Variants in CAMK2G observed in about 807,000 individuals in gnomAD.
The protein encoded by CAMK2G is calcium/calmodulin dependent protein kinase II gamma, also known as calcium/calmodulin-dependent protein kinase type II subunit gamma.
CAMK2G carries 23 observed loss-of-function variants against 88.7 expected under a neutral mutation model. That is an observed-to-expected ratio of 0.26 (90% CI 0.19 to 0.37). The LOEUF is 0.37. Ranked by LOEUF, CAMK2G falls within the 10% of genes least tolerant of loss-of-function variation. The pLI is 1.00. For synonymous variants in CAMK2G, 263 were observed against 294.8 expected (o/e 0.89, Z 1.11); for missense variants, 476 against 780.8 (o/e 0.61, Z 4.65).
rs751477682 is a variant in CAMK2G at position 73,819,634 on chromosome 10, G to A, written c.1261C>T (p.Arg421Cys). 6.8e-5 allele frequency: 105 copies of A among 1,541,442 alleles called. No individual in the cohort carries two copies. Among genetic ancestry groups the A allele is most frequent in the African/African-American group, 2.2e-4 (16 of 73,100 alleles). Residue 421 changes from arginine to cysteine, a missense_variant, in exon 19 of 23, where the codon CGC (arginine) becomes TGC (cysteine). Physicochemically the swap from Arg to Cys is radical, Grantham distance 180. Around this residue, in one of 3 missense-constraint regions of CAMK2G, gnomAD observed 278 missense variants for 366.5 expected, o/e 0.76. Coordinates refer to ENST00000423381, the MANE Select transcript of CAMK2G (RefSeq NM_001367534.1). ...GGCACCGAGCTGCCATTCCCAGTGC[G>A]GAGCGGGGCAGCTAGCCAGCCAGGG... ...EDEDLKAAPL[R>C]TGNGSSVPEG...
At position 73,862,305 on chromosome 10, in the gene CAMK2G, C is replaced by G. The variant is rs892930680; in HGVS notation, c.161-1416G>C. On this transcript the variant is annotated intron_variant, in intron 2 of 22. Transcript: ENST00000423381. ...CTTCTCCCTCCTACTCCACCCCCCC[C>G]CCCCCCGATTTCCCAATGCACTTCT... is the stretch of plus-strand genomic sequence containing the variant. 1.3e-3 allele frequency among the ~76,000 whole-genome samples: 185 copies of G among 146,606 alleles called. 4 individuals carry two copies. The highest frequency in any genetic ancestry group is 3.5e-3 in the Middle Eastern group (1 of 282).
intron 2 of CAMK2G, among the ~76,000 whole-genome samples, chr10:73,862,961 G>C (rs1181473531): frequency 1.3e-5 from 2 of 152,330 alleles, no homozygotes; most frequent in East Asian, 3.9e-4. Flanking sequence ...CGGAGGCCCA[G>C]GGAAGTTAAG....
At chr10:73,829,702 T>G (rs865954903) in intron 14 of CAMK2G, among the ~76,000 whole-genome samples, 65 of 132,106 alleles carry the variant, frequency 4.9e-4, no homozygotes, top group South Asian at 6.9e-4. Context: ...AGTAGTGGGG[T>G]GTGTGTGTGT....
At chr10:73,824,719 A>C (rs1177576150) in intron 16 of CAMK2G, among the ~76,000 whole-genome samples, 4 of 152,110 alleles carry the variant, frequency 2.6e-5, no homozygotes, top group Non-Finnish European at 4.4e-5. Flanking sequence ...GTTAGCCACC[A>C]CTAGCAGAGG....
At position 73,839,461 on chromosome 10, in the gene CAMK2G, T is replaced by G; in HGVS notation, c.1009+78A>C. 1 of 796,620 alleles carries G rather than the reference T, an allele frequency of 1.3e-6. No individual in the cohort carries two copies. Among genetic ancestry groups the G allele is most frequent in the Non-Finnish European group, 1.7e-6 (1 of 589,844 alleles). The allele number at this position is 796,620 out of a possible 1,614,324, so 49.3% of individuals were successfully genotyped here. On this transcript the variant is annotated intron_variant, in intron 13 of 22. Transcript: ENST00000423381. This position sits in a 1 kb window ranked among gnomAD's most constrained non-coding sequence, Gnocchi z 4.2. Reference sequence around the variant, plus strand: ...GCATGGGACTCGCCTCCCTGGTGAGTGGGCCCGGCATGCTGGCCCTCCTGG... The same window carrying G: ...GCATGGGACTCGCCTCCCTGGTGAGGGGGCCCGGCATGCTGGCCCTCCTGG...
intron 3 of CAMK2G, among the ~76,000 whole-genome samples, chr10:73,857,018 G>T (rs1207843337): frequency 6.6e-6 from 1 of 152,208 alleles, no homozygotes; most frequent in African/African-American, 2.4e-5. Context: ...GTTGCCATGG[G>T]GGCTTGTGGG....
intron 22 of CAMK2G, 41 bp downstream of exon 22, chr10:73,814,962 C>T: frequency 7.1e-7 from 1 of 1,399,574 alleles, no homozygotes; most frequent in South Asian, 1.2e-5. Context: ...CCCACCTATC[C>T]CAGGCCCTTC....
At chr10:73,832,964 TCTC>T (rs199980741) in intron 14 of CAMK2G, among the ~76,000 whole-genome samples, 168 of 88,590 alleles carry the variant, frequency 1.9e-3, no homozygotes, top group East Asian at 0.015. Context: ...TTTTCTTCTC[TCTC>T]TTTTTTTTTT....
intron 3 of CAMK2G, among the ~76,000 whole-genome samples, chr10:73,853,512 C>T (rs1028700790): frequency 2.6e-5 from 4 of 152,212 alleles, no homozygotes; most frequent in South Asian, 2.1e-4. Context: ...GGAGAAAAGC[C>T]GGAACCTTCC....
chr10:73,837,250 C>T, intron 14 of CAMK2G: 1 of 612,956 alleles, frequency 1.6e-6, no homozygotes, highest in Non-Finnish European at 3.0e-6. Flanking sequence ...GATCACTTCC[C>T]CTGAGTCATT....
intron 14 of CAMK2G, among the ~76,000 whole-genome samples, chr10:73,832,348 C>T (rs549967309): frequency 4.6e-5 from 7 of 151,846 alleles, no homozygotes; most frequent in South Asian, 2.1e-4. Context: ...CTTGCTCTGT[C>T]ACCAGGCTGG....
At chr10:73,829,666 G>A (rs1237869337) in intron 14 of CAMK2G, among the ~76,000 whole-genome samples, 1 of 135,486 alleles carries the variant, frequency 7.4e-6, no homozygotes, top group Non-Finnish European at 1.5e-5. Flanking sequence ...TCAAAAAGAA[G>A]GAGTTCCCTT....
At chr10:73,841,185 G>A (rs975027666) in intron 12 of CAMK2G, among the ~76,000 whole-genome samples, 2 of 152,242 alleles carry the variant, frequency 1.3e-5, no homozygotes, top group Admixed American at 6.5e-5. Flanking sequence ...TGGAGCCAGC[G>A]CAGGCGAGCC....
In CAMK2G at chr10:73,861,155, T is replaced by C. The variant is rs1257639858; in HGVS notation, c.161-266A>G. Among the ~76,000 whole-genome samples, 4 of 152,162 alleles carry C rather than the reference T, an allele frequency of 2.6e-5. No homozygotes were observed. The East Asian group carries it at 5.8e-4, about 22-fold the overall frequency. On this transcript the variant is annotated intron_variant, in intron 2 of 22. Coordinates refer to ENST00000423381, the MANE Select transcript of CAMK2G (RefSeq NM_001367534.1). Reference sequence around the variant, plus strand: ...AATCCTCCCACCTCAGCCTCCTGAATAGCTGGAACTATAGGCACCAGCCAC... The same window carrying C: ...AATCCTCCCACCTCAGCCTCCTGAACAGCTGGAACTATAGGCACCAGCCAC...
At position 73,828,081 on chromosome 10, in the gene CAMK2G, A is replaced by C; in HGVS notation, c.1086+8T>G. 6.2e-7 allele frequency: 1 copy of C among 1,612,380 alleles called. No individual in the cohort carries two copies. The highest frequency in any genetic ancestry group is 1.7e-4 in the Middle Eastern group (1 of 6,024). On this transcript the variant is annotated splice_region_variant and intron_variant, in intron 15 of 22. Transcript: ENST00000423381. ...GGAGTGGGCGATGGGTGGGCAGGCA[A>C]GGCTCACCATTAGGTGCACGCTGGA...
Position 73,819,771 on chromosome 10 carries a change from C to T in CAMK2G, c.1250-126G>A, listed in dbSNP as rs1036316277. 6.5e-6 allele frequency: 4 copies of T among 615,990 alleles called. No homozygotes were observed. In the Admixed American group the frequency reaches 9.2e-5, roughly 14 times the overall value. The allele number at this position is 615,990 out of a possible 1,614,324, so 38.2% of individuals were successfully genotyped here. ...GCGCTGCAGAGCCGGGGCAAGGGGACGCCTCGCCTCAGGCTGCTGTGGACA... is the reference window on the plus strand; with the variant it reads ...GCGCTGCAGAGCCGGGGCAAGGGGATGCCTCGCCTCAGGCTGCTGTGGACA... On this transcript the variant is annotated intron_variant, in intron 18 of 22. Transcript: ENST00000423381.
intron 2 of CAMK2G, among the ~76,000 whole-genome samples, chr10:73,866,619 G>A (rs548419261): frequency 6.6e-6 from 1 of 152,292 alleles, no homozygotes; most frequent in East Asian, 1.9e-4. Flanking sequence ...ACTTTGTAAA[G>A]GGTATTTTGC....
intron 19 of CAMK2G, among the ~76,000 whole-genome samples, chr10:73,817,945 C>T (rs2133169735): frequency 6.6e-6 from 1 of 152,316 alleles, no homozygotes. Flanking sequence ...CTTCCACCCC[C>T]AATTTACTTC....
At chr10:73,855,567 C>T (rs1041077548) in intron 3 of CAMK2G, among the ~76,000 whole-genome samples, 1 of 152,176 alleles carries the variant, frequency 6.6e-6, no homozygotes, top group Non-Finnish European at 1.5e-5. Flanking sequence ...CCCCGCCCAG[C>T]ACAGCAAGGC....
Sources: allele counts gnomAD v4.1 joint callset (sites outside exome capture counted in the v4.1 genomes callset), GRCh38; gene constraint gnomAD v4.1.1; regional missense constraint gnomAD v4.1.1; non-coding constraint Gnocchi (gnomAD v3.1); transcripts MANE v1.5; gene names NCBI Gene and HGNC (gene_info 2026-07-23, HGNC 2026-07-21).